IFT122: variants seen among roughly 807,000 people sequenced by gnomAD.
The protein encoded by IFT122 is intraflagellar transport 122.
Under a neutral mutation model 161.6 loss-of-function variants are expected in IFT122, and 118 were observed. The observed-to-expected ratio is 0.73, with a 90% CI of 0.63 to 0.85. The LOEUF (loss-of-function observed/expected upper bound fraction) is 0.85. IFT122 is among the 40% of genes least tolerant of loss of function. The probability of loss-of-function intolerance (pLI) is 0.00; values close to 1 mark genes in which losing one functional copy is unlikely to be tolerated. For missense variants in IFT122, 1,381 were observed against 1,579.6 expected (o/e 0.87, Z 2.13); for synonymous variants, 550 against 602.4 (o/e 0.91, Z 1.27).
chr3:129,518,026 C>T (rs2084215919), intron 27 of IFT122, among the ~76,000 whole-genome samples: 1 of 152,210 alleles, frequency 6.6e-6, no homozygotes, highest in Non-Finnish European at 1.5e-5. Context: ...TGCAAGGAAG[C>T]CCCAAGCAGG....
Position 129,473,428 on chromosome 3 carries a change from G to A in IFT122, c.817-2887G>A, listed in dbSNP as rs114222894. 1.4e-3 allele frequency among the ~76,000 whole-genome samples: 213 copies of A among 152,236 alleles called. 2 individuals carry two copies. The highest frequency in any genetic ancestry group is 4.8e-3 in the African/African-American group (200 of 41,530). ...GGAATTTTGAATTGTACTCAATATT[G>A]TGAGTAATATGTCATAAAGACTCAT... On this transcript the variant is annotated intron_variant, in intron 9 of 29. Transcript: ENST00000348417.
At chr3:129,488,494 C>T (rs2079594737) in intron 16 of IFT122, 97 bp downstream of exon 16, 1 of 1,524,002 alleles carries the variant, frequency 6.6e-7, no homozygotes, top group Non-Finnish European at 9.0e-7. Context: ...CCATAGACTG[C>T]AGCAGTCTCT....
intron 21 of IFT122, among the ~76,000 whole-genome samples, chr3:129,505,465 T>C (rs2082097398): frequency 6.6e-6 from 1 of 152,252 alleles, no homozygotes; most frequent in Admixed American, 6.5e-5. Context: ...ACCCAGTTGC[T>C]GAAGTATCTG....
intron 26 of IFT122, 122 bp from the exon 27 acceptor site, chr3:129,517,347 C>T (rs1460027216): frequency 1.5e-6 from 2 of 1,304,914 alleles, no homozygotes; most frequent in Non-Finnish European, 2.2e-6. Context: ...CCTGCTGCCT[C>T]TTCTTGCTTT....
In IFT122 at chr3:129,512,425, T is replaced by C. The variant is rs1354911190; in HGVS notation, c.2987+13T>C. On this transcript the variant is annotated intron_variant, in intron 24 of 29. Transcript: ENST00000348417. ...GCATCTCTAAAGTGTATCCTTTCTC[T>C]TATCCCTCCTCCGTCCCACCACCGT... is the stretch of plus-strand genomic sequence containing the variant. 6.5e-7 allele frequency: 1 copy of C among 1,549,252 alleles called. No individual in the cohort carries two copies. The highest frequency in any genetic ancestry group is 8.9e-7 in the Non-Finnish European group (1 of 1,120,788).
chr3:129,485,890 C>T (rs1430025975), intron 15 of IFT122, among the ~76,000 whole-genome samples: 3 of 152,254 alleles, frequency 2.0e-5, no homozygotes, highest in African/African-American at 4.8e-5. Context: ...GCCTCTGCCT[C>T]CGGCCATCCT....
intron 16 of IFT122, among the ~76,000 whole-genome samples, chr3:129,488,732 A>G (rs140756886): frequency 0.14 from 21,481 of 151,652 alleles, 2,034 homozygotes; most frequent in African/African-American, 0.25. Context: ...GAAGCACCTG[A>G]CTAGTAGCCT....
chr3:129,492,768 G>A (rs2080287551), intron 17 of IFT122, among the ~76,000 whole-genome samples: 1 of 150,602 alleles, frequency 6.6e-6, no homozygotes, highest in African/African-American at 2.4e-5. Flanking sequence ...GAAGCTGGTT[G>A]TAGGTATGCC....
intron 1 of IFT122, among the ~76,000 whole-genome samples, chr3:129,444,494 G>A (rs1048743191): frequency 6.6e-6 from 1 of 151,978 alleles, no homozygotes; most frequent in African/African-American, 2.4e-5. Flanking sequence ...TTATGTTTTC[G>A]TAAGGATCAA....
At chr3:129,478,712 A>C (rs1266116956) in intron 12 of IFT122, among the ~76,000 whole-genome samples, 3 of 152,140 alleles carry the variant, frequency 2.0e-5, no homozygotes, top group Non-Finnish European at 4.4e-5. Context: ...TTCCTAAAGT[A>C]CTGGGATTAT....
At chr3:129,461,949 C>T (rs1577373647) in intron 5 of IFT122, among the ~76,000 whole-genome samples, 2 of 152,114 alleles carry the variant, frequency 1.3e-5, no homozygotes, top group Admixed American at 1.3e-4. Context: ...ATGGTTGATT[C>T]TGTTTTCAGC....
At chr3:129,503,895 G>T in intron 20 of IFT122, 2 of 317,446 alleles carry the variant, frequency 6.3e-6, no homozygotes, top group Non-Finnish European at 1.2e-5. Context: ...CAGTCAGTGG[G>T]TCCATACAGC....
intron 7 of IFT122, among the ~76,000 whole-genome samples, chr3:129,465,707 A>G (rs1280322158): frequency 2.7e-5 from 3 of 109,284 alleles, no homozygotes; most frequent in African/African-American, 1.6e-4. Context: ...CAGTGGCGCA[A>G]TCTCGGCTCA....
Position 129,476,678 on chromosome 3 carries a change from G to A in IFT122, c.1024G>A (p.Asp342Asn), listed in dbSNP as rs768644199. 37 of 1,614,106 alleles carry A rather than the reference G, an allele frequency of 2.3e-5. No individual in the cohort carries two copies. The highest frequency in any genetic ancestry group is 2.0e-4 in the Admixed American group (12 of 60,004). ...CACCCCGCAGGTGGTCGGCTGCCAG[G>A]ACGGCACCATTTCCTTCTACCAGCT... ...DSNYVVVGCQ[D>N]GTISFYQLIF... The change falls in exon 11 of 30, where the codon GAC (aspartate) becomes AAC (asparagine). Residue 342 changes from aspartate (D) to asparagine (N), a missense_variant. Physicochemically the swap from Asp to Asn is conservative, Grantham distance 23 (BLOSUM62 1). This residue lies in a region of IFT122 where 544 missense variants were observed against 648.0 expected (regional missense o/e 0.84). Coordinates refer to ENST00000348417, the MANE Select transcript of IFT122 (RefSeq NM_052989.3).
At chr3:129,517,897 A>G (rs1418346707) in intron 27 of IFT122, among the ~76,000 whole-genome samples, 1 of 152,216 alleles carries the variant, frequency 6.6e-6, no homozygotes, top group Non-Finnish European at 1.5e-5. Context: ...TAGCTCCTGC[A>G]TAGCCAACAT....
At chr3:129,459,502 G>A (rs2075937631) in intron 4 of IFT122, 1 of 285,672 alleles carries the variant, frequency 3.5e-6, no homozygotes, top group African/African-American at 2.3e-5. Flanking sequence ...TGTTAGCTAG[G>A]ATGGTCTCGA....
At chr3:129,470,230 G>T (rs1201443533) in intron 9 of IFT122, among the ~76,000 whole-genome samples, 1 of 151,098 alleles carries the variant, frequency 6.6e-6, no homozygotes, top group Non-Finnish European at 1.5e-5. Context: ...GAACATGGGG[G>T]TATGATTTTT....
intron 4 of IFT122, 21 bp downstream of exon 4, chr3:129,458,698 G>A: frequency 6.5e-7 from 1 of 1,544,142 alleles, no homozygotes; most frequent in South Asian, 1.1e-5. Flanking sequence ...TAGGTGTACA[G>A]TATTATGAGT....
chr3:129,508,813 A>G (rs1445279714), intron 23 of IFT122, among the ~76,000 whole-genome samples: 2 of 152,058 alleles, frequency 1.3e-5, no homozygotes, highest in Non-Finnish European at 2.9e-5. Flanking sequence ...TATTGCGATG[A>G]GGCAAAATTT....
Sources: gnomAD v4.1 joint callset for allele counts (sites outside exome capture counted in the v4.1 genomes callset) on GRCh38, gnomAD v4.1.1 for gene constraint, gnomAD v4.1.1 regional missense constraint, MANE v1.5 for transcripts, NCBI Gene and HGNC (gene_info 2026-07-23, HGNC 2026-07-21) for gene names.